The following NUP37 variants were observed in gnomAD, a reference collection of about 807,000 sequenced individuals.
NUP37 encodes the protein nucleoporin Nup37.
A neutral mutation model predicts 45.4 loss-of-function variants in NUP37; 33 were observed. That is an observed-to-expected ratio of 0.73 (90% CI 0.55 to 0.97). The LOEUF is 0.97. NUP37 is among the 50% of genes least tolerant of loss of function. The pLI is 0.00. For synonymous variants in NUP37, 127 were observed against 130.7 expected (o/e 0.97, Z 0.19); for missense variants, 365 against 389.7 (o/e 0.94, Z 0.53).
intron 5 of NUP37, among the ~76,000 whole-genome samples, chr12:102,090,206 C>T (rs2136726853): frequency 6.6e-6 from 1 of 151,850 alleles, no homozygotes; most frequent in East Asian, 1.9e-4. Context: ...TTTTCAGGTG[C>T]TCTTATTTTG....
chr12:102,113,894 C>T (rs1320140470), intron 2 of NUP37, among the ~76,000 whole-genome samples: 1 of 152,130 alleles, frequency 6.6e-6, no homozygotes, highest in Non-Finnish European at 1.5e-5. Flanking sequence ...CCTATGGGAT[C>T]CCAGTAAAGT....
chr12:102,108,880 A>G (rs1880233118), intron 3 of NUP37, among the ~76,000 whole-genome samples: 1 of 152,230 alleles, frequency 6.6e-6, no homozygotes, highest in Admixed American at 6.5e-5. Flanking sequence ...AACAGATAAA[A>G]GCTATTTTGG....
chr12:102,110,037 A>T (rs1175627875), intron 3 of NUP37, among the ~76,000 whole-genome samples: 1 of 152,078 alleles, frequency 6.6e-6, no homozygotes, highest in Non-Finnish European at 1.5e-5. Flanking sequence ...TTATTCAATT[A>T]AGTTAGCTAA....
chr12:102,108,859 G>C (rs747697705), intron 3 of NUP37, among the ~76,000 whole-genome samples: 1 of 152,080 alleles, frequency 6.6e-6, no homozygotes, highest in East Asian at 1.9e-4. Flanking sequence ...TGTTCAAAAT[G>C]TCATCTCTAA....
At chr12:102,108,853 C>T (rs1477447048) in intron 3 of NUP37, among the ~76,000 whole-genome samples, 2 of 152,060 alleles carry the variant, frequency 1.3e-5, no homozygotes, top group African/African-American at 4.8e-5. Context: ...AAACTTTGTT[C>T]AAAATGTCAT....
At chr12:102,102,460 T>A (rs537608420) in intron 3 of NUP37, among the ~76,000 whole-genome samples, 3 of 152,350 alleles carry the variant, frequency 2.0e-5, no homozygotes, top group Non-Finnish European at 4.4e-5. Context: ...TATAACTGTT[T>A]TCTTGTGATT....
chr12:102,098,403 T>C (rs552857162), intron 5 of NUP37, among the ~76,000 whole-genome samples: 2 of 152,342 alleles, frequency 1.3e-5, no homozygotes, highest in East Asian at 1.9e-4. Context: ...ATCAATCTTA[T>C]GTAGCAGATG....
At chr12:102,092,088 G>A (rs1431016346) in intron 5 of NUP37, among the ~76,000 whole-genome samples, 3 of 152,174 alleles carry the variant, frequency 2.0e-5, no homozygotes, top group South Asian at 2.1e-4. Context: ...TGTTCTGTCC[G>A]AGGATTCAAC....
At chr12:102,090,946 G>A (rs972374031) in intron 5 of NUP37, among the ~76,000 whole-genome samples, 2 of 152,088 alleles carry the variant, frequency 1.3e-5, no homozygotes, top group Admixed American at 6.5e-5. Context: ...TCTAGACCAC[G>A]TCAGACAACA....
At chr12:102,113,485 T>A (rs2136755786) in intron 2 of NUP37, among the ~76,000 whole-genome samples, 1 of 152,282 alleles carries the variant, frequency 6.6e-6, no homozygotes, top group East Asian at 1.9e-4. Context: ...ACATTTTTTA[T>A]AAGCATTAAA....
chr12:102,096,787 C>A (rs1879817391), intron 5 of NUP37, among the ~76,000 whole-genome samples: 1 of 152,114 alleles, frequency 6.6e-6, no homozygotes, highest in South Asian at 2.1e-4. Context: ...TACTCTTTCT[C>A]ATTTTAAACT....
intron 3 of NUP37, among the ~76,000 whole-genome samples, chr12:102,103,857 T>C (rs1215158209): frequency 6.6e-6 from 1 of 152,128 alleles, no homozygotes; most frequent in Non-Finnish European, 1.5e-5. Flanking sequence ...ATAGACAAAA[T>C]GTTCCGCATC....
intron 5 of NUP37, among the ~76,000 whole-genome samples, chr12:102,088,594 CAT>C (rs1879537379): frequency 6.6e-6 from 1 of 151,800 alleles, no homozygotes. Context: ...TGTCCATTTT[CAT>C]ATGTTACGTA....
intron 5 of NUP37, among the ~76,000 whole-genome samples, chr12:102,087,527 A>C (rs1166670603): frequency 6.6e-6 from 1 of 152,238 alleles, no homozygotes; most frequent in African/African-American, 2.4e-5. Flanking sequence ...TGAAGAGAGA[A>C]ATCACATTTA....
intron 2 of NUP37, chr12:102,115,855 C>T (rs1217854641): frequency 3.1e-6 from 3 of 963,160 alleles, no homozygotes; most frequent in Non-Finnish European, 3.7e-6. Context: ...TGCAATGGAA[C>T]TTGAAGGTTC....
At chr12:102,097,340 T>A (rs1407629942) in intron 5 of NUP37, among the ~76,000 whole-genome samples, 1 of 152,166 alleles carries the variant, frequency 6.6e-6, no homozygotes, top group Non-Finnish European at 1.5e-5. Context: ...TGTAGTCAGG[T>A]TTTTAAAAAA....
chr12:102,093,923 A>G (rs1425720567), intron 5 of NUP37, among the ~76,000 whole-genome samples: 1 of 152,136 alleles, frequency 6.6e-6, no homozygotes, highest in Non-Finnish European at 1.5e-5. Context: ...GGCATACAGA[A>G]AAGAACAAAG....
intron 5 of NUP37, among the ~76,000 whole-genome samples, chr12:102,091,119 A>G (rs1405683456): frequency 2.6e-5 from 4 of 152,202 alleles, no homozygotes; most frequent in Non-Finnish European, 5.9e-5. Context: ...ACAGCCGGCC[A>G]GGCACTGTGG....
intron 3 of NUP37, among the ~76,000 whole-genome samples, chr12:102,106,242 G>A (rs1340552508): frequency 6.6e-6 from 1 of 152,156 alleles, no homozygotes; most frequent in Admixed American, 6.5e-5. Context: ...ATAAATTTCT[G>A]TTGTTGTTTT....
Sources: allele counts gnomAD v4.1 joint callset (sites outside exome capture counted in the v4.1 genomes callset), GRCh38; gene constraint gnomAD v4.1.1; transcripts MANE v1.5; gene names NCBI Gene and HGNC (gene_info 2026-07-23, HGNC 2026-07-21).